Variants in ATR observed in about 807,000 individuals in gnomAD.
ATR encodes the protein ATR checkpoint kinase, also known as serine/threonine-protein kinase ATR.
A neutral mutation model predicts 305.3 loss-of-function variants in ATR; 142 were observed. The ratio of observed to expected loss-of-function variants is 0.47; its 90% CI spans 0.41 to 0.53. The LOEUF is 0.53. Ranked by LOEUF, ATR falls within the 20% of genes least tolerant of loss-of-function variation. The pLI is 0.00. For synonymous variants in ATR, 1,050 were observed against 1,068.1 expected, an observed-to-expected ratio of 0.98 and a Z score of 0.33; for missense variants, 2,135 against 3,133.1, an observed-to-expected ratio of 0.68 and a Z score of 7.60.
Position 142,535,073 on chromosome 3 carries a change from A to G in ATR, c.3945+7T>C, listed in dbSNP as rs767519014. On this transcript the variant is annotated splice_region_variant and intron_variant, in intron 21 of 46. Coordinates refer to ENST00000350721, the MANE Select transcript of ATR (RefSeq NM_001184.4). ...TATACATTTTTAATTATATCATATTAGCATACCTGATTTTTATACAAGGTT... is the reference window on the plus strand; with the variant it reads ...TATACATTTTTAATTATATCATATTGGCATACCTGATTTTTATACAAGGTT... 1 of 1,609,414 alleles carries G rather than the reference A, an allele frequency of 6.2e-7. No homozygotes were observed. Among genetic ancestry groups the G allele is most frequent in the Non-Finnish European group, 8.5e-7 (1 of 1,176,426 alleles).
Position 142,470,327 on chromosome 3 carries a change from T to G in ATR, c.6222-144A>C, listed in dbSNP as rs149850472. 132 of 690,098 alleles carry G rather than the reference T, an allele frequency of 1.9e-4. No individual in the cohort carries two copies. In the African/African-American group the frequency reaches 2.0e-3, roughly 10 times the overall value. 42.7% of individuals were successfully genotyped at this position (690,098 alleles called of 1,614,324 possible). A position where few individuals can be genotyped will look rare whatever the true frequency, so the allele number is the denominator to read the frequency against. ...TTTCTTCCTAGAAGTTATTTTTGACTCCTCTGTCTCCTTTTTAGCTCACTT... is the reference window on the plus strand; with the variant it reads ...TTTCTTCCTAGAAGTTATTTTTGACGCCTCTGTCTCCTTTTTAGCTCACTT... On this transcript the variant is annotated intron_variant, in intron 36 of 46. Transcript: ENST00000350721.
At position 142,526,793 on chromosome 3, in the gene ATR, G is replaced by T. The variant is rs1309701955; in HGVS notation, c.3946-2594C>A. Among the ~76,000 whole-genome samples, 319 of 140,166 alleles carry T rather than the reference G, an allele frequency of 2.3e-3. 2 individuals carry two copies. Among genetic ancestry groups the T allele is most frequent in the Admixed American group, 3.8e-3 (53 of 13,970 alleles). 92.0% of individuals were successfully genotyped at this position (140,166 alleles called of 152,430 possible). On this transcript the variant is annotated intron_variant, in intron 21 of 46. Transcript: ENST00000350721. Reference sequence around the variant, plus strand: ...CATGGGGTATTGTGGGTTTGTTTTTGTTTTTTTTTTTTTGAGACAGGGTCC... The same window carrying T: ...CATGGGGTATTGTGGGTTTGTTTTTTTTTTTTTTTTTTTGAGACAGGGTCC...
rs1361868884 is a variant in ATR at position 142,508,079 on chromosome 3, C to T, written c.4883G>A (p.Ser1628Asn). The change falls in exon 28 of 47, where the codon AGT becomes AAT. Residue 1628 changes from serine to asparagine, a missense_variant. By Grantham distance (46) the Ser-to-Asn change is conservative. This residue lies in a region of ATR where 202 missense variants were observed against 252.9 expected (regional missense o/e 0.80). Coordinates refer to ENST00000350721, the MANE Select transcript of ATR (RefSeq NM_001184.4). ...VSTVDYEDYQ[S>N]VTRFLDLIPQ... is the part of the protein sequence containing the mutation. ...TATGAGGTCTAGAAAACGGGTTACA[C>T]TCTGATAGTCTTCATAATCCACAGT... 2 of 1,612,636 alleles carry T rather than the reference C, an allele frequency of 1.2e-6. No homozygotes were observed. The highest frequency in any genetic ancestry group is 2.7e-5 in the African/African-American group (2 of 74,600).
intron 38 of ATR, 131 bp from the exon 39 acceptor site, chr3:142,468,199 AT>A: frequency 8.8e-7 from 1 of 1,136,830 alleles, no homozygotes; most frequent in Non-Finnish European, 1.2e-6. Context: ...TTTTCTGAAA[AT>A]TTATTTGGCA....
intron 27 of ATR, among the ~76,000 whole-genome samples, chr3:142,511,631 G>C (rs2032572630): frequency 6.6e-6 from 1 of 151,688 alleles, no homozygotes; most frequent in Non-Finnish European, 1.5e-5. Flanking sequence ...ACTCCAGCCT[G>C]GGCAACAGAG....
chr3:142,459,081 G>T lies in ATR; in HGVS notation c.7380C>A (p.Ser2460=). 1 of 1,613,928 alleles carries T rather than the reference G, an allele frequency of 6.2e-7. No individual in the cohort carries two copies. The highest frequency in any genetic ancestry group is 1.7e-5 in the Admixed American group (1 of 60,010). The change falls in exon 44 of 47, where the codon TCC becomes TCA. Residue 2460 remains serine (S), a synonymous_variant. Transcript: ENST00000350721. ...AACCAACCATTGACATTACTGCAGT[G>T]GAACGGCAGTAAGCTGATCTACTAC... ...WYSSRSAYCR[S]TAVMSMVGYI...
chr3:142,483,793 A>G (rs1334491517), intron 36 of ATR, among the ~76,000 whole-genome samples: 1 of 150,658 alleles, frequency 6.6e-6, no homozygotes, highest in African/African-American at 2.5e-5. Context: ...AGATCGTGCC[A>G]TTGCACTCCA....
chr3:142,527,482 T>C (rs1361371737), intron 21 of ATR, among the ~76,000 whole-genome samples: 1 of 152,200 alleles, frequency 6.6e-6, no homozygotes, highest in Non-Finnish European at 1.5e-5. Context: ...GTTTACAAAT[T>C]TATTTGTGTA....
At chr3:142,539,808 A>C (rs1266046274) in intron 18 of ATR, among the ~76,000 whole-genome samples, 1 of 152,176 alleles carries the variant, frequency 6.6e-6, no homozygotes, top group Non-Finnish European at 1.5e-5. Flanking sequence ...CACCTAGTAA[A>C]TACAGAAGGA....
chr3:142,497,224 TATC>T (rs1559938966), intron 32 of ATR, 32 bp from the exon 33 acceptor site: 1 of 1,603,864 alleles, frequency 6.2e-7, no homozygotes, highest in Non-Finnish European at 8.5e-7. Context: ...GTTAAAATGT[TATC>T]ATATTCAGCC....
At chr3:142,526,501 G>GTATATATGTACTATGTT (rs1447635240) in intron 21 of ATR, among the ~76,000 whole-genome samples, 3 of 151,470 alleles carry the variant, frequency 2.0e-5, no homozygotes, top group Admixed American at 2.0e-4. Context: ...TTAAGTATGT[G>GTATATATGTACTATGTT]TATATATGTA....
chr3:142,478,315 A>G (rs569958089), intron 36 of ATR, among the ~76,000 whole-genome samples: 2 of 152,184 alleles, frequency 1.3e-5, no homozygotes, highest in African/African-American at 4.8e-5. Context: ...GTTTCAAAGA[A>G]TATCTTTATT....
intron 13 of ATR, among the ~76,000 whole-genome samples, chr3:142,550,814 G>A (rs2034445166): frequency 6.6e-6 from 1 of 151,628 alleles, no homozygotes; most frequent in Non-Finnish European, 1.5e-5. Flanking sequence ...TAAAGACAGA[G>A]TCTTGCTCTG....
intron 38 of ATR, among the ~76,000 whole-genome samples, chr3:142,468,486 C>T (rs988361032): frequency 1.3e-4 from 20 of 151,812 alleles, no homozygotes; most frequent in East Asian, 7.7e-4. Context: ...TGAAATTGTA[C>T]GGCAACATAA....
At position 142,449,379 on chromosome 3, in the gene ATR, C is replaced by A; in HGVS notation, c.*50G>T. 2 of 1,528,496 alleles carry A rather than the reference C, an allele frequency of 1.3e-6. No homozygotes were observed. The highest frequency in any genetic ancestry group is 1.8e-6 in the Non-Finnish European group (2 of 1,103,470). The allele number at this position is 1,528,496 out of a possible 1,614,324, so 94.7% of individuals were successfully genotyped here. On this transcript the variant is annotated 3_prime_UTR_variant, in exon 47 of 47. Coordinates refer to ENST00000350721, the MANE Select transcript of ATR (RefSeq NM_001184.4). ...AACAGATACAACCACAGATTCATAC[C>A]AAATGCATTACTTTTAGATTATTAA...
At chr3:142,539,739 A>G (rs2033981772) in intron 18 of ATR, among the ~76,000 whole-genome samples, 1 of 152,150 alleles carries the variant, frequency 6.6e-6, no homozygotes, top group African/African-American at 2.4e-5. Flanking sequence ...GACTACAGAT[A>G]CGCACAATCA....
intron 35 of ATR, among the ~76,000 whole-genome samples, chr3:142,488,782 C>T (rs539497599): frequency 6.6e-6 from 1 of 152,264 alleles, no homozygotes; most frequent in South Asian, 2.1e-4. Flanking sequence ...TATGTTTCCA[C>T]ATAAGTTTTA....
chr3:142,531,443 C>A (rs12629001), intron 21 of ATR, among the ~76,000 whole-genome samples: 53,057 of 151,506 alleles, frequency 0.35, 9,679 homozygotes, highest in Middle Eastern at 0.44. Flanking sequence ...GTGTGATGTT[C>A]CCCTTCCTGT....
chr3:142,496,008 G>T (rs1457293364), intron 34 of ATR, among the ~76,000 whole-genome samples: 1 of 151,494 alleles, frequency 6.6e-6, no homozygotes, highest in Non-Finnish European at 1.5e-5. Context: ...CATTTACTGG[G>T]TCACTACTAT....
Sources: allele counts gnomAD v4.1 joint callset (sites outside exome capture counted in the v4.1 genomes callset), GRCh38; gene constraint gnomAD v4.1.1; regional missense constraint gnomAD v4.1.1; transcripts MANE v1.5; gene names NCBI Gene and HGNC (gene_info 2026-07-23, HGNC 2026-07-21).